Variants in WDR86 observed in about 807,000 individuals in gnomAD.
The protein encoded by WDR86 is WD repeat domain 86.
Under a neutral mutation model 36.5 loss-of-function variants are expected in WDR86, and 30 were observed. The ratio of observed to expected loss-of-function variants is 0.82; its 90% CI spans 0.61 to 1.11. The LOEUF (loss-of-function observed/expected upper bound fraction) is 1.11, where lower values mean the gene tolerates loss of function less well. Ranked by LOEUF, WDR86 falls within the 50% of genes most tolerant of loss-of-function variation. WDR86 has a pLI of 0.00. For missense variants in WDR86, 545 were observed against 561.2 expected (o/e 0.97, Z 0.29); for synonymous variants, 255 against 252.9 (o/e 1.01, Z -0.08).
At chr7:151,378,185 T>C (rs1288131834), downstream of WDR86, 2 of 152,230 alleles carry the variant, frequency 1.3e-5, no homozygotes, top group African/African-American at 4.8e-5. Flanking sequence ...CCTCTGTAGA[T>C]GTGTGCCCAG....
downstream of WDR86, among the ~76,000 whole-genome samples, chr7:151,375,321 T>C (rs1798166176): frequency 1.3e-5 from 2 of 152,158 alleles, no homozygotes; most frequent in South Asian, 4.1e-4. Context: ...GACTGATGGG[T>C]CTCAAAATAG....
chr7:151,409,274 T>G lies in WDR86; in HGVS notation c.163+153A>C. 1 of 1,270,344 alleles carries G rather than the reference T, an allele frequency of 7.9e-7. No individual in the cohort carries two copies. The highest frequency in any genetic ancestry group is 1.1e-6 in the Non-Finnish European group (1 of 917,840). 78.7% of individuals were successfully genotyped at this position (1,270,344 alleles called of 1,614,324 possible). On this transcript the variant is annotated intron_variant, in intron 1 of 5. Coordinates refer to ENST00000334493, the MANE Select transcript of WDR86 (RefSeq NM_198285.3). This position sits in a 1 kb window ranked among gnomAD's most constrained non-coding sequence, Gnocchi z 5.2. ...CCCTGCCGTGCGCTCAACAGCCAGA[T>G]GCTGGGCCCAGACAAGCGCTCTTCC...
At chr7:151,370,454 A>G in the WDR86 span, among the ~76,000 whole-genome samples, 1 of 152,202 alleles carries the variant, frequency 6.6e-6, no homozygotes, top group African/African-American at 2.4e-5. Context: ...AAAAATGAAC[A>G]TTGCTGATAC....
chr7:151,392,180 C>G (rs542302330), intron 3 of WDR86, among the ~76,000 whole-genome samples: 2 of 152,150 alleles, frequency 1.3e-5, no homozygotes, highest in Non-Finnish European at 2.9e-5. Context: ...CAGCTCTGAT[C>G]GGGGCCCCCA....
downstream of WDR86, chr7:151,378,552 C>CGGAAA (rs1563037056): frequency 1.3e-5 from 2 of 152,214 alleles, no homozygotes; most frequent in African/African-American, 2.4e-5. Context: ...ATGTCTGTTT[C>CGGAAA]CACTGAGTTT....
the WDR86 span, chr7:151,368,990 G>A: frequency 8.1e-7 from 1 of 1,240,430 alleles, no homozygotes; most frequent in Non-Finnish European, 1.1e-6. Flanking sequence ...ACTCCAGATT[G>A]GGAAGGAAGG....
rs533514399 is a variant in WDR86 at position 151,385,390 on chromosome 7, C to A, written c.727-167G>T. On this transcript the variant is annotated intron_variant, in intron 3 of 5. Coordinates refer to ENST00000334493, the MANE Select transcript of WDR86 (RefSeq NM_198285.3). The stretch of plus-strand genomic sequence containing the variant: ...CCACCAGACTGCCCACTTCAGCACC[C>A]AAAAGCAGGCGGCTGCTCCTGCCCC... 31 of 1,252,876 alleles carry A rather than the reference C, an allele frequency of 2.5e-5. No homozygotes were observed. The African/African-American group carries it at 4.5e-4, about 18-fold the overall frequency. 77.6% of individuals were successfully genotyped at this position (1,252,876 alleles called of 1,614,324 possible).
Position 151,395,894 on chromosome 7 carries a change from G to T in WDR86, c.608C>A (p.Thr203Lys). ...GCCTGTGAAGGCCGTGTGGCCGGGC[G>T]TGTCTAGCACTAGGCACAGCACTGC... ...TGAVLCLVLD[T>K]PGHTAFTGST... Residue 203 changes from threonine to lysine, a missense_variant, in exon 3 of 6, where the codon ACG becomes AAG. By Grantham distance (78) the Thr-to-Lys change is moderately conservative. Transcript: ENST00000334493. 1 of 1,602,538 alleles carries T rather than the reference G, an allele frequency of 6.2e-7. No homozygotes were observed.
exon 2 of WDR86, chr7:151,375,917 A>G (rs1445068407): frequency 1.2e-6 from 2 of 1,612,430 alleles, no homozygotes; most frequent in Admixed American, 1.7e-5. Context: ...CCGTCAAGAA[A>G]GTCCTTCCCA....
At chr7:151,374,726 T>C (rs1328685809), downstream of WDR86, 1 of 174,870 alleles carries the variant, frequency 5.7e-6, no homozygotes, top group Non-Finnish European at 1.2e-5. Flanking sequence ...CAGACAGCAG[T>C]GACTTTACCT....
downstream of WDR86, among the ~76,000 whole-genome samples, chr7:151,372,887 C>T (rs994721540): frequency 1.3e-5 from 2 of 151,976 alleles, no homozygotes; most frequent in East Asian, 1.9e-4. Flanking sequence ...AGGGAGCTGG[C>T]GCTGTGGGCA....
downstream of WDR86, chr7:151,376,460 C>T (rs950466519): frequency 9.5e-6 from 6 of 632,450 alleles, no homozygotes; most frequent in Non-Finnish European, 1.3e-5. Context: ...TCCAAGCCCC[C>T]TTCCAGGTTG....
chr7:151,410,137 C>G (rs1274485088), upstream of WDR86: 2 of 949,226 alleles, frequency 2.1e-6, no homozygotes, highest in African/African-American at 3.5e-5. Flanking sequence ...AGCCTCCCCC[C>G]TTCGTCGCTG....
intron 3 of WDR86, among the ~76,000 whole-genome samples, chr7:151,392,564 C>T (rs1179498385): frequency 6.6e-6 from 1 of 152,174 alleles, no homozygotes; most frequent in Non-Finnish European, 1.5e-5. Context: ...CGGAGCGCCG[C>T]CCATTCACTC....
intron 3 of WDR86, among the ~76,000 whole-genome samples, chr7:151,392,641 C>T (rs1318199331): frequency 6.6e-6 from 1 of 152,216 alleles, no homozygotes; most frequent in African/African-American, 2.4e-5. Context: ...AACTCCACCC[C>T]TGCCACTACC....
rs998048731 is a variant in WDR86 at position 151,385,188 on chromosome 7, G to C, written c.762C>G (p.Asp254Glu). Residue 254 changes from aspartate (D) to glutamate (E), a missense_variant, in exon 4 of 6, where the codon GAC (aspartate) becomes GAG (glutamate). Physicochemically the swap from Asp to Glu is conservative, Grantham distance 45. Transcript: ENST00000334493. The stretch of plus-strand genomic sequence containing the variant: ...CTGCCAGCCAGCACTTGACGGTCCT[G>C]TCCGCGCTGCCAGAGTACACGAGTC... ...VNRLVYSGSA[D>E]RTVKCWLADT... 1 of 1,612,928 alleles carries C rather than the reference G, an allele frequency of 6.2e-7. No homozygotes were observed. The highest frequency in any genetic ancestry group is 1.7e-5 in the Admixed American group (1 of 60,032).
chr7:151,394,699 C>A (rs1289349513), intron 3 of WDR86, among the ~76,000 whole-genome samples: 9 of 152,266 alleles, frequency 5.9e-5, no homozygotes, highest in Non-Finnish European at 1.5e-5. Flanking sequence ...ACTGTTCACG[C>A]ATCTTCCATT....
the WDR86 span, chr7:151,369,120 G>A: frequency 3.0e-6 from 1 of 338,484 alleles, no homozygotes; most frequent in Non-Finnish European, 5.4e-6. Flanking sequence ...CAATTCTCGT[G>A]CCTCAGCCTC....
In WDR86 at chr7:151,381,977, G is replaced by A; in HGVS notation, c.867C>T (p.Phe289=). The A allele has an allele frequency of 6.2e-7, 1 of 1,600,620 alleles. No homozygotes were observed. Among genetic ancestry groups the A allele is most frequent in the Non-Finnish European group, 8.5e-7 (1 of 1,174,586 alleles). ...SALKYHAGTL[F]TGSGDACARA... Reference sequence around the variant, plus strand: ...GGGCGCAAGCGTCCCCGCTGCCCGTGAACACTGCGGACACACAGCGCGCGC... The same window carrying A: ...GGGCGCAAGCGTCCCCGCTGCCCGTAAACACTGCGGACACACAGCGCGCGC... Residue 289 remains phenylalanine, a synonymous_variant, in exon 5 of 6, where the codon TTC becomes TTT. Transcript: ENST00000334493. The surrounding 1 kb of genome is among the most constrained non-coding windows in gnomAD (Gnocchi z 4.8).
Sources: allele counts gnomAD v4.1 joint callset (sites outside exome capture counted in the v4.1 genomes callset), GRCh38; gene constraint gnomAD v4.1.1; non-coding constraint Gnocchi (gnomAD v3.1); transcripts MANE v1.5; gene names NCBI Gene and HGNC (gene_info 2026-07-23, HGNC 2026-07-21).